The following SLC10A6 variants were observed in gnomAD, a reference collection of about 807,000 sequenced individuals.
SLC10A6 encodes the protein sodium-dependent organic anion transporter.
SLC10A6 carries 27 observed loss-of-function variants against 30.0 expected under a neutral mutation model. That is an observed-to-expected ratio of 0.90 (90% CI 0.66 to 1.24). SLC10A6 has a LOEUF of 1.24. Ranked by LOEUF, SLC10A6 falls within the 50% of genes most tolerant of loss-of-function variation. The pLI, the probability that SLC10A6 is intolerant of heterozygous loss-of-function variation, is 0.00. For synonymous variants in SLC10A6, 166 were observed against 173.8 expected (o/e 0.95, Z 0.36); for missense variants, 439 against 457.0 (o/e 0.96, Z 0.36).
chr4:86,831,760 G>A lies in SLC10A6; in HGVS notation c.585+32C>T, dbSNP rs542835818. 1.1e-5 allele frequency: 17 copies of A among 1,572,770 alleles called. No homozygotes were observed. In the African/African-American group the frequency reaches 1.4e-4, roughly 13 times the overall value. ...TGTCTTTCAGGCCCCTGAGTCTGAG[G>A]ACGTGCCAACAGTGGCCATGAAGTC... is the stretch of plus-strand genomic sequence containing the variant. On this transcript the variant is annotated intron_variant, in intron 3 of 5. Coordinates refer to ENST00000273905, the MANE Select transcript of SLC10A6 (RefSeq NM_197965.3).
chr4:86,832,481 C>T (rs1268277473), intron 2 of SLC10A6, among the ~76,000 whole-genome samples: 2 of 151,928 alleles, frequency 1.3e-5, no homozygotes, highest in Non-Finnish European at 2.9e-5. Flanking sequence ...GTGGCCTGCA[C>T]CTGTAGTACC....
intron 1 of SLC10A6, among the ~76,000 whole-genome samples, chr4:86,835,572 C>A (rs971948487): frequency 6.6e-6 from 1 of 151,998 alleles, no homozygotes; most frequent in Non-Finnish European, 1.5e-5. Context: ...TAGGCTAAGG[C>A]AGGAGAATCA....
chr4:86,843,184 A>G (rs1314459450), intron 1 of SLC10A6, among the ~76,000 whole-genome samples: 1 of 150,646 alleles, frequency 6.6e-6, no homozygotes, highest in Non-Finnish European at 1.5e-5. Context: ...ACCTCTTTTG[A>G]GGGTTGTTTT....
chr4:86,837,225 G>GAGAA (rs530121412), intron 1 of SLC10A6, among the ~76,000 whole-genome samples: 2,264 of 39,146 alleles, frequency 0.058, 286 homozygotes, highest in South Asian at 0.096. Context: ...GAGAGAGAGA[G>GAGAA]AGAAAGAAAG....
At chr4:86,833,681 T>C (rs1746128075) in intron 1 of SLC10A6, among the ~76,000 whole-genome samples, 1 of 152,240 alleles carries the variant, frequency 6.6e-6, no homozygotes, top group African/African-American at 2.4e-5. Flanking sequence ...TGCTAGGCAC[T>C]ATAGAATTAT....
chr4:86,843,136 G>A (rs888556693), intron 1 of SLC10A6, among the ~76,000 whole-genome samples: 2 of 152,020 alleles, frequency 1.3e-5, no homozygotes, highest in African/African-American at 2.4e-5. Flanking sequence ...CTCCCAAAGT[G>A]CTGGGATTAC....
At chr4:86,825,339 G>T (rs926515260) in intron 5 of SLC10A6, 81 bp downstream of exon 5, 9 of 1,392,086 alleles carry the variant, frequency 6.5e-6, no homozygotes, top group Non-Finnish European at 8.9e-6. Context: ...GCACATGCAA[G>T]TTTGGATTGA....
intron 4 of SLC10A6, among the ~76,000 whole-genome samples, chr4:86,825,903 G>A (rs1745986097): frequency 6.6e-6 from 1 of 152,192 alleles, no homozygotes; most frequent in African/African-American, 2.4e-5. Flanking sequence ...GGTGAGAGAA[G>A]GCTTCACAGA....
rs772085853 is a variant in SLC10A6 at position 86,833,377 on chromosome 4, G to A, written c.425C>T (p.Pro142Leu). The A allele has an allele frequency of 1.2e-5, 19 of 1,613,952 alleles. No individual in the cohort carries two copies. The highest frequency in any genetic ancestry group is 1.6e-5 in the Non-Finnish European group (19 of 1,179,972). Residue 142 changes from proline to leucine, a missense_variant, in exon 2 of 6, where the codon CCA becomes CTA. Pro to Leu is a moderately conservative substitution (Grantham distance 98). Coordinates refer to ENST00000273905, the MANE Select transcript of SLC10A6 (RefSeq NM_197965.3). ...CSTVAALGMM[P>L]LCIYLYTWSW... The stretch of plus-strand genomic sequence containing the variant: ...CCAGGTGTAGAGATAAATGCAGAGT[G>A]GCATCATTCCCAGGGCGGCCACGGT...
In SLC10A6 at chr4:86,848,813, G is replaced by A; in HGVS notation, c.303C>T (p.Leu101=). The part of the protein sequence containing the change: ...SLKPVQAIAV[L]IMGCCPGGTI... ...TGCCCCCCGGGCAGCAGCCCATGAT[G>A]AGAACAGCAATAGCTTGGACTGGCT... is the stretch of plus-strand genomic sequence containing the variant. Residue 101 remains leucine (L), a synonymous_variant, in exon 1 of 6, where the codon CTC becomes CTT. Coordinates refer to ENST00000273905, the MANE Select transcript of SLC10A6 (RefSeq NM_197965.3). 1 of 1,614,102 alleles carries A rather than the reference G, an allele frequency of 6.2e-7. No homozygotes were observed. The highest frequency in any genetic ancestry group is 8.5e-7 in the Non-Finnish European group (1 of 1,179,992).
At chr4:86,842,811 T>C (rs993400680) in intron 1 of SLC10A6, among the ~76,000 whole-genome samples, 2 of 17,398 alleles carry the variant, frequency 1.1e-4, no homozygotes, top group Admixed American at 7.6e-4. Context: ...TCTTTCTTTC[T>C]TTCTTTCTTT....
intron 1 of SLC10A6, among the ~76,000 whole-genome samples, chr4:86,846,610 C>T (rs771642762): frequency 6.6e-6 from 1 of 152,212 alleles, no homozygotes; most frequent in African/African-American, 2.4e-5. Flanking sequence ...CCTGTATTCC[C>T]AGCTACTCAG....
chr4:86,833,090 C>A (rs555863647), intron 2 of SLC10A6, among the ~76,000 whole-genome samples: 74 of 152,162 alleles, frequency 4.9e-4, no homozygotes, highest in African/African-American at 1.6e-3. Flanking sequence ...TCCGTACTTA[C>A]CAGCTGCATA....
At chr4:86,840,346 T>C (rs1746270014) in intron 1 of SLC10A6, among the ~76,000 whole-genome samples, 1 of 152,146 alleles carries the variant, frequency 6.6e-6, no homozygotes, top group Admixed American at 6.6e-5. Context: ...AAATTAGGGC[T>C]CATATTACCA....
chr4:86,839,859 T>C (rs1746261012), intron 1 of SLC10A6, among the ~76,000 whole-genome samples: 2 of 152,108 alleles, frequency 1.3e-5, no homozygotes, highest in South Asian at 4.1e-4. Context: ...CTTCTAATTG[T>C]CATGCCAGCA....
At chr4:86,834,283 T>C (rs895746885) in intron 1 of SLC10A6, among the ~76,000 whole-genome samples, 1 of 152,280 alleles carries the variant, frequency 6.6e-6, no homozygotes, top group African/African-American at 2.4e-5. Flanking sequence ...GGGGTCTTCA[T>C]GAGGCCCTCA....
At chr4:86,836,041 T>C (rs934460491) in intron 1 of SLC10A6, among the ~76,000 whole-genome samples, 5 of 152,176 alleles carry the variant, frequency 3.3e-5, no homozygotes, top group Non-Finnish European at 7.3e-5. Flanking sequence ...AATGTGGGTT[T>C]GTGAGCCGGA....
intron 1 of SLC10A6, among the ~76,000 whole-genome samples, chr4:86,834,893 G>T (rs566313347): frequency 3.3e-5 from 5 of 152,274 alleles, no homozygotes; most frequent in African/African-American, 1.2e-4. Context: ...GGGAGCAAGG[G>T]AGAGTGAGAA....
intron 5 of SLC10A6, among the ~76,000 whole-genome samples, chr4:86,825,162 T>C (rs757876277): frequency 4.6e-5 from 7 of 152,352 alleles, no homozygotes; most frequent in East Asian, 1.9e-4. Context: ...TAAGTTCTGA[T>C]AGTGGATTCA....
Sources: gnomAD v4.1 joint callset for allele counts (sites outside exome capture counted in the v4.1 genomes callset) on GRCh38, gnomAD v4.1.1 for gene constraint, MANE v1.5 for transcripts, NCBI Gene and HGNC (gene_info 2026-07-23, HGNC 2026-07-21) for gene names.